The following RERE variants were observed in gnomAD, a reference collection of about 807,000 sequenced individuals.
RERE encodes the protein arginine-glutamic acid dipeptide repeats protein.
A neutral mutation model predicts 146.1 loss-of-function variants in RERE; 40 were observed. The observed-to-expected ratio is 0.27, with a 90% CI of 0.21 to 0.36. The LOEUF (loss-of-function observed/expected upper bound fraction) is 0.36, where lower values mean the gene tolerates loss of function less well. Among genes scored for constraint, RERE ranks in the 10% least tolerant of loss-of-function variants. RERE has a pLI of 1.00. For synonymous variants in RERE, 1,003 were observed against 866.0 expected (o/e 1.16, Z -2.78); for missense variants, 1,933 against 2,138.7 (o/e 0.90, Z 1.90).
chr1:8,532,222 T>C (rs753574862), intron 7 of RERE, among the ~76,000 whole-genome samples: 1 of 152,240 alleles, frequency 6.6e-6, no homozygotes, highest in Non-Finnish European at 1.5e-5. Context: ...TAACATTTCA[T>C]TTAAACATTT....
chr1:8,632,288 C>T (rs759163475), intron 2 of RERE, among the ~76,000 whole-genome samples: 1 of 152,210 alleles, frequency 6.6e-6, no homozygotes, highest in African/African-American at 2.4e-5. Context: ...CTCGTCTGAT[C>T]TTCTGGTGTC....
intron 2 of RERE, among the ~76,000 whole-genome samples, chr1:8,631,195 T>C (rs903166988): frequency 6.6e-6 from 1 of 152,204 alleles, no homozygotes; most frequent in Non-Finnish European, 1.5e-5. Context: ...CCCAATGTAT[T>C]GAAAACTTAA....
chr1:8,365,849 G>A lies in RERE; in HGVS notation c.1410C>T (p.Pro470=), dbSNP rs370348081. ...ACGGGGGTCTGGAGGGTGTGTTGACGGGTGTGGACGCGGTGCGAGTCTTAA... is the reference window on the plus strand; with the variant it reads ...ACGGGGGTCTGGAGGGTGTGTTGACAGGTGTGGACGCGGTGCGAGTCTTAA... ...RRIKTRTAST[P]VNTPSRPPSS... The change falls in exon 13 of 23, where the codon CCC becomes CCT. Residue 470 remains proline, a synonymous_variant. Coordinates refer to ENST00000400908, the MANE Select transcript of RERE (RefSeq NM_001042681.2). The A allele has an allele frequency of 7.4e-6, 12 of 1,614,156 alleles. No individual in the cohort carries two copies. Among genetic ancestry groups the A allele is most frequent in the East Asian group, 2.2e-5 (1 of 44,872 alleles).
At chr1:8,756,351 T>C (rs1640638604) in intron 1 of RERE, among the ~76,000 whole-genome samples, 1 of 152,228 alleles carries the variant, frequency 6.6e-6, no homozygotes, top group African/African-American at 2.4e-5. Context: ...GCATTTTTAT[T>C]ACATTGCTTT....
chr1:8,501,810 G>A (rs1268370719), intron 8 of RERE, among the ~76,000 whole-genome samples: 4 of 127,692 alleles, frequency 3.1e-5, no homozygotes, highest in Non-Finnish European at 3.5e-5. Context: ...GAGGTGAGGG[G>A]CGCCTCTGCC....
intron 8 of RERE, among the ~76,000 whole-genome samples, chr1:8,507,803 A>G (rs1216653125): frequency 8.2e-6 from 1 of 121,568 alleles, no homozygotes; most frequent in Non-Finnish European, 1.6e-5. Context: ...CAGTGGCCAC[A>G]GTCTTGGCTC....
At chr1:8,409,904 G>C (rs924877171) in intron 12 of RERE, among the ~76,000 whole-genome samples, 5 of 151,346 alleles carry the variant, frequency 3.3e-5, no homozygotes, top group Non-Finnish European at 4.4e-5. Context: ...TCTTTGCTCA[G>C]GTCCATTCTA....
intron 2 of RERE, among the ~76,000 whole-genome samples, chr1:8,633,615 T>C (rs564598818): frequency 5.9e-5 from 9 of 152,214 alleles, no homozygotes; most frequent in Non-Finnish European, 8.8e-5. Context: ...GAAAAAAGCA[T>C]GCAAAGATGC....
chr1:8,655,699 G>A (rs1638264533), intron 2 of RERE, among the ~76,000 whole-genome samples: 1 of 152,202 alleles, frequency 6.6e-6, no homozygotes, highest in South Asian at 2.1e-4. Context: ...ATACTAAGCA[G>A]ATGGTCCAGT....
At chr1:8,497,179 C>T (rs1409933691) in intron 9 of RERE, among the ~76,000 whole-genome samples, 1 of 152,020 alleles carries the variant, frequency 6.6e-6, no homozygotes, top group Admixed American at 6.6e-5. Context: ...TGATGTGGGG[C>T]AAACACCAAG....
At chr1:8,610,142 C>T (rs1488148522) in intron 4 of RERE, among the ~76,000 whole-genome samples, 2 of 152,176 alleles carry the variant, frequency 1.3e-5, no homozygotes, top group East Asian at 1.9e-4. Flanking sequence ...TTATTTTCAA[C>T]ACCTAAGCAA....
intron 1 of RERE, among the ~76,000 whole-genome samples, chr1:8,659,235 G>C (rs1416075223): frequency 1.3e-5 from 2 of 152,170 alleles, no homozygotes; most frequent in Non-Finnish European, 2.9e-5. Flanking sequence ...CTTAAGTTTA[G>C]AGCATGAACG....
chr1:8,781,159 C>A (rs1641157364), intron 1 of RERE, among the ~76,000 whole-genome samples: 1 of 152,010 alleles, frequency 6.6e-6, no homozygotes, highest in South Asian at 2.1e-4. Context: ...AGATCAAGAC[C>A]ATTCTGGCCA....
chr1:8,814,851 G>C (rs1641880380), intron 1 of RERE, among the ~76,000 whole-genome samples: 1 of 152,214 alleles, frequency 6.6e-6, no homozygotes, highest in Non-Finnish European at 1.5e-5. Flanking sequence ...AAGTCACAAA[G>C]TGTAAATACT....
chr1:8,559,303 A>AAC (rs1431265311), intron 4 of RERE, among the ~76,000 whole-genome samples: 1 of 144,554 alleles, frequency 6.9e-6, no homozygotes, highest in African/African-American at 2.5e-5. Flanking sequence ...AAAAAAAAAA[A>AAC]ACAGAACAAA....
intron 6 of RERE, 150 bp downstream of exon 6, chr1:8,556,325 C>T (rs891088278): frequency 3.9e-6 from 2 of 511,950 alleles, no homozygotes; most frequent in South Asian, 3.5e-5. Flanking sequence ...GCAATCTCAA[C>T]AATCCAGAGC....
chr1:8,444,479 G>T (rs1208117853), intron 11 of RERE, among the ~76,000 whole-genome samples: 3 of 152,236 alleles, frequency 2.0e-5, no homozygotes, highest in Admixed American at 6.5e-5. Flanking sequence ...AATGAGGTAA[G>T]ACTTTGGGGG....
intron 1 of RERE, among the ~76,000 whole-genome samples, chr1:8,705,972 C>T (rs940765303): frequency 1.3e-5 from 2 of 151,772 alleles, no homozygotes; most frequent in Non-Finnish European, 2.9e-5. Flanking sequence ...AAAAATTAGC[C>T]GGGCGTGGTG....
At chr1:8,816,760 T>C (rs1641919811) in intron 1 of RERE, among the ~76,000 whole-genome samples, 1 of 152,000 alleles carries the variant, frequency 6.6e-6, no homozygotes, top group Non-Finnish European at 1.5e-5. Context: ...AATGAGAAAA[T>C]GATACTTTAA....
Sources: allele counts gnomAD v4.1 joint callset (sites outside exome capture counted in the v4.1 genomes callset), GRCh38; gene constraint gnomAD v4.1.1; transcripts MANE v1.5; gene names NCBI Gene and HGNC (gene_info 2026-07-23, HGNC 2026-07-21).